The following WFDC11 variants were observed in gnomAD, a reference collection of about 807,000 sequenced individuals.
WFDC11 encodes WAP four-disulfide core domain 11.
In WFDC11, 9 loss-of-function variants were observed where a neutral mutation model predicts 9.9. The observed-to-expected ratio is 0.91, with a 90% CI of 0.55 to 1.58. The LOEUF is 1.58. Ranked by LOEUF, WFDC11 falls within the 40% of genes most tolerant of loss-of-function variation. The pLI is 0.00. For missense variants in WFDC11, 106 were observed against 101.7 expected (o/e 1.04, Z -0.18); for synonymous variants, 32 against 33.3 (o/e 0.96, Z 0.13).
intron 2 of WFDC11, among the ~76,000 whole-genome samples, chr20:45,659,731 G>A (rs145932911): frequency 0.015 from 2,211 of 152,250 alleles, 47 homozygotes; most frequent in African/African-American, 0.049. Flanking sequence ...GATCCCATTT[G>A]TCAATTTTGG....
chr20:45,665,544 C>A (rs557347376), intron 2 of WFDC11, among the ~76,000 whole-genome samples: 25 of 152,314 alleles, frequency 1.6e-4, no homozygotes, highest in African/African-American at 6.0e-4. Context: ...TTCTCCCCAT[C>A]TTTGTGGTTT....
chr20:45,657,707 C>T (rs1982967779), intron 2 of WFDC11, among the ~76,000 whole-genome samples: 1 of 152,156 alleles, frequency 6.6e-6, no homozygotes, highest in African/African-American at 2.4e-5. Context: ...CCCTTCCATC[C>T]ATGCTTAATT....
At chr20:45,659,322 C>A (rs1983003041) in intron 2 of WFDC11, among the ~76,000 whole-genome samples, 1 of 152,208 alleles carries the variant, frequency 6.6e-6, no homozygotes, top group Non-Finnish European at 1.5e-5. Flanking sequence ...AGTTTACAGT[C>A]CCACCAACAG....
At chr20:45,658,828 C>T (rs1303289071) in intron 2 of WFDC11, among the ~76,000 whole-genome samples, 3 of 152,084 alleles carry the variant, frequency 2.0e-5, no homozygotes, top group African/African-American at 4.8e-5. Flanking sequence ...CCCATCAACC[C>T]GTCATCTACA....
At chr20:45,664,608 G>C in intron 2 of WFDC11, among the ~76,000 whole-genome samples, 1 of 152,200 alleles carries the variant, frequency 6.6e-6, no homozygotes, top group East Asian at 1.9e-4. Flanking sequence ...TGTAAGACAG[G>C]CCTGGTGGTG....
intron 2 of WFDC11, among the ~76,000 whole-genome samples, chr20:45,653,050 G>C (rs952448962): frequency 6.6e-6 from 1 of 152,140 alleles, no homozygotes; most frequent in African/African-American, 2.4e-5. Flanking sequence ...TAGCAAGGCA[G>C]GCCAACATTC....
chr20:45,664,027 T>G (rs971387872), intron 2 of WFDC11, among the ~76,000 whole-genome samples: 2 of 152,168 alleles, frequency 1.3e-5, no homozygotes, highest in East Asian at 1.9e-4. Context: ...AGTGGGGTGT[T>G]AAAGTCTCCC....
At chr20:45,651,611 C>T (rs1982807673) in intron 2 of WFDC11, among the ~76,000 whole-genome samples, 1 of 152,126 alleles carries the variant, frequency 6.6e-6, no homozygotes, top group Non-Finnish European at 1.5e-5. Flanking sequence ...GTGCAGCACA[C>T]CGAGCATGAG....
chr20:45,653,335 A>G (rs1488278733), intron 2 of WFDC11, among the ~76,000 whole-genome samples: 2 of 152,210 alleles, frequency 1.3e-5, no homozygotes, highest in Admixed American at 6.5e-5. Flanking sequence ...ACTAAGCTTC[A>G]TAAGTGAAGG....
chr20:45,661,423 T>C (rs1983062698), intron 2 of WFDC11, among the ~76,000 whole-genome samples: 1 of 152,032 alleles, frequency 6.6e-6, no homozygotes, highest in Middle Eastern at 3.4e-3. Context: ...TTAGTTTAAT[T>C]AGATCCCATT....
At chr20:45,652,569 C>A (rs2145616273) in intron 2 of WFDC11, among the ~76,000 whole-genome samples, 1 of 152,266 alleles carries the variant, frequency 6.6e-6, no homozygotes. Flanking sequence ...AGCAATGGAA[C>A]AAAGCTGGAT....
intron 2 of WFDC11, among the ~76,000 whole-genome samples, chr20:45,659,466 T>G (rs1983006287): frequency 6.6e-6 from 1 of 152,264 alleles, no homozygotes; most frequent in Admixed American, 6.5e-5. Context: ...TGACCAGTGA[T>G]GACGAGCTTT....
chr20:45,648,881 G>C, intron 4 of WFDC11, 142 bp from the exon 5 acceptor site: 2 of 930,952 alleles, frequency 2.1e-6, no homozygotes, highest in Non-Finnish European at 3.3e-6. Context: ...GTCCACTTCT[G>C]AGTAGGTGAG....
chr20:45,651,391 T>G (rs75703935), intron 2 of WFDC11, among the ~76,000 whole-genome samples: 8,106 of 152,152 alleles, frequency 0.053, 302 homozygotes, highest in African/African-American at 0.1. Context: ...TTTTGTTTTG[T>G]TTGTTTGTTT....
intron 4 of WFDC11, 107 bp from the exon 5 acceptor site, chr20:45,648,846 A>T: frequency 8.3e-7 from 1 of 1,203,326 alleles, no homozygotes; most frequent in Non-Finnish European, 1.2e-6. Context: ...TGGGACAAGA[A>T]TACTTTAACG....
At chr20:45,663,681 T>C (rs1375379149) in intron 2 of WFDC11, among the ~76,000 whole-genome samples, 1 of 152,204 alleles carries the variant, frequency 6.6e-6, no homozygotes, top group African/African-American at 2.4e-5. Flanking sequence ...CATTTTGTTA[T>C]TTACCTAGTA....
At chr20:45,651,646 C>T (rs1323733436) in intron 2 of WFDC11, among the ~76,000 whole-genome samples, 2 of 152,184 alleles carry the variant, frequency 1.3e-5, no homozygotes, top group Non-Finnish European at 2.9e-5. Context: ...GGCATTGCCT[C>T]ACCTGGGAAG....
intron 1 of WFDC11, 101 bp downstream of exon 1, chr20:45,670,077 A>G (rs1600944954): frequency 2.0e-5 from 3 of 152,188 alleles, no homozygotes; most frequent in East Asian, 1.9e-4. Context: ...AAAATTGATA[A>G]CCTCTTGGAA....
At chr20:45,649,948 CTCA>C (rs973123518) in intron 3 of WFDC11, among the ~76,000 whole-genome samples, 35 of 152,220 alleles carry the variant, frequency 2.3e-4, no homozygotes, top group Admixed American at 1.9e-3. Context: ...ACCCCATTTT[CTCA>C]TCATATGACC....
Sources: gnomAD v4.1 joint callset for allele counts (sites outside exome capture counted in the v4.1 genomes callset) on GRCh38, gnomAD v4.1.1 for gene constraint, MANE v1.5 for transcripts, NCBI Gene and HGNC (gene_info 2026-07-23, HGNC 2026-07-21) for gene names.